SLC17A8: variants seen among roughly 807,000 people sequenced by gnomAD.
SLC17A8 encodes solute carrier family 17 member 8, also known as vesicular glutamate transporter 3.
Under a neutral mutation model 58.0 loss-of-function variants are expected in SLC17A8, and 31 were observed. The observed-to-expected ratio is 0.53, with a 90% CI of 0.40 to 0.72. The LOEUF is 0.72. SLC17A8 is among the 30% of genes least tolerant of loss of function. SLC17A8 has a pLI of 0.00. For synonymous variants in SLC17A8, 228 were observed against 249.0 expected (o/e 0.92, Z 0.79); for missense variants, 655 against 727.8 (o/e 0.90, Z 1.15).
At chr12:100,405,416 G>A (rs373081369) in intron 9 of SLC17A8, among the ~76,000 whole-genome samples, 7 of 152,028 alleles carry the variant, frequency 4.6e-5, no homozygotes, top group Admixed American at 1.3e-4. Context: ...ATTAAATTGA[G>A]GTTCTTGAGA....
intron 1 of SLC17A8, among the ~76,000 whole-genome samples, chr12:100,368,481 C>T (rs1032235797): frequency 3.9e-5 from 6 of 152,136 alleles, no homozygotes; most frequent in Admixed American, 1.3e-4. Flanking sequence ...TCACAGGTAT[C>T]GGGGGTTAGA....
At chr12:100,373,383 A>T (rs994503660) in intron 1 of SLC17A8, among the ~76,000 whole-genome samples, 1 of 145,146 alleles carries the variant, frequency 6.9e-6, no homozygotes, top group African/African-American at 2.6e-5. Context: ...TCTGGGCAGG[A>T]TGAATAGATC....
rs1198242883 is a variant in SLC17A8, at chr12:100,402,694, C to T, written c.1002C>T (p.Leu334=). ...GAAGCTGGACCTTTTATTTGCTCCT[C>T]ATAAGTCAGCCTGCTTATTTTGAAG... is the stretch of plus-strand genomic sequence containing the variant. ...FCRSWTFYLL[L]ISQPAYFEEV... is the part of the protein sequence containing the mutation. The change falls in exon 8 of 12, where the codon CTC becomes CTT. Residue 334 remains leucine (L), a synonymous_variant. Coordinates refer to ENST00000323346, the MANE Select transcript of SLC17A8 (RefSeq NM_139319.3). 3.1e-6 allele frequency: 5 copies of T among 1,614,078 alleles called. No homozygotes were observed. The South Asian group carries it at 5.5e-5, about 18-fold the overall frequency.
chr12:100,388,654 C>T (rs1037757464), intron 2 of SLC17A8, among the ~76,000 whole-genome samples: 3 of 152,130 alleles, frequency 2.0e-5, no homozygotes, highest in African/African-American at 4.8e-5. Context: ...TCAGGAAGCA[C>T]AGGACGAACG....
At chr12:100,375,482 C>G (rs1952588699) in intron 1 of SLC17A8, among the ~76,000 whole-genome samples, 1 of 152,178 alleles carries the variant, frequency 6.6e-6, no homozygotes, top group African/African-American at 2.4e-5. Flanking sequence ...AGTCCTGCCT[C>G]TGGCAGGAAA....
chr12:100,369,004 G>A (rs541300025), intron 1 of SLC17A8, among the ~76,000 whole-genome samples: 119 of 152,342 alleles, frequency 7.8e-4, no homozygotes, highest in African/African-American at 2.9e-3. Flanking sequence ...TGGGGGCAAT[G>A]GCTCATCCCT....
At chr12:100,369,631 G>A (rs1256345235) in intron 1 of SLC17A8, among the ~76,000 whole-genome samples, 1 of 152,206 alleles carries the variant, frequency 6.6e-6, no homozygotes, top group African/African-American at 2.4e-5. Flanking sequence ...TGCCTGCATT[G>A]TAGCTGCAAG....
chr12:100,402,871 G>A lies in SLC17A8; in HGVS notation c.1053+126G>A. 6 of 975,110 alleles carry A rather than the reference G, an allele frequency of 6.2e-6. 1 individual carries two copies. The South Asian group carries it at 8.5e-5, about 14-fold the overall frequency. 60.4% of individuals were successfully genotyped at this position (975,110 alleles called of 1,614,324 possible). A position where few individuals can be genotyped will look rare whatever the true frequency, so the allele number is the denominator to read the frequency against. ...CATAACAGTTCTGTGACACCTAATA[G>A]CCTGGCTGTCAGACAAGTTATACAT... On this transcript the variant is annotated intron_variant, in intron 8 of 11. Transcript: ENST00000323346.
Position 100,402,409 on chromosome 12 carries a change from C to T in SLC17A8, c.833C>T (p.Thr278Ile). 3.7e-6 allele frequency: 6 copies of T among 1,614,056 alleles called. No homozygotes were observed. The highest frequency in any genetic ancestry group is 5.1e-6 in the Non-Finnish European group (6 of 1,180,004). The change falls in exon 7 of 12, where the codon ACA becomes ATA. Residue 278 changes from threonine (T) to isoleucine (I), a missense_variant. Physicochemically the swap from Thr to Ile is moderately conservative, Grantham distance 89 (BLOSUM62 -1). Coordinates refer to ENST00000323346, the MANE Select transcript of SLC17A8 (RefSeq NM_139319.3). ...TATGAGTGCCCAGCAGCTCATCCAA[C>T]AATATCCAATGAGGAGAAGACCTAT... is the stretch of plus-strand genomic sequence containing the variant. Reference protein sequence around the residue: ...QAYECPAAHPTISNEEKTYIE... With the variant: ...QAYECPAAHPIISNEEKTYIE...
intron 9 of SLC17A8, among the ~76,000 whole-genome samples, chr12:100,409,471 C>T (rs1952851479): frequency 6.6e-6 from 1 of 152,134 alleles, no homozygotes; most frequent in Admixed American, 6.6e-5. Flanking sequence ...TAGGTGTGCA[C>T]CACCATGCCT....
intron 8 of SLC17A8, among the ~76,000 whole-genome samples, chr12:100,403,140 G>C (rs979180435): frequency 6.6e-6 from 1 of 152,140 alleles, no homozygotes; most frequent in African/African-American, 2.4e-5. Flanking sequence ...TCTCCATAAT[G>C]GTGGCTATAG....
chr12:100,419,761 G>A, intron 11 of SLC17A8, 54 bp from the exon 12 acceptor site: 1 of 1,562,338 alleles, frequency 6.4e-7, no homozygotes, highest in South Asian at 1.1e-5. Context: ...AGGACATACT[G>A]GTAATCTCTA....
intron 10 of SLC17A8, among the ~76,000 whole-genome samples, chr12:100,417,060 C>T (rs917659883): frequency 3.3e-5 from 5 of 152,186 alleles, no homozygotes; most frequent in African/African-American, 1.2e-4. Context: ...CATGTGCCAC[C>T]ATGCCTGGCT....
intron 1 of SLC17A8, among the ~76,000 whole-genome samples, chr12:100,376,869 G>A (rs77143772): frequency 6.6e-6 from 1 of 152,102 alleles, no homozygotes; most frequent in Non-Finnish European, 1.5e-5. Context: ...GAGTGCAGCA[G>A]TGCAATCTCA....
chr12:100,380,349 C>G (rs998694768), intron 1 of SLC17A8, among the ~76,000 whole-genome samples: 1 of 151,992 alleles, frequency 6.6e-6, no homozygotes, highest in African/African-American at 2.4e-5. Flanking sequence ...ACTTGGGCCT[C>G]TATCCTACCT....
chr12:100,404,394 G>GTTT, intron 9 of SLC17A8: 1 of 566,326 alleles, frequency 1.8e-6, no homozygotes, highest in Non-Finnish European at 3.2e-6. Context: ...GTTTGCTTAT[G>GTTT]TAGTTTATTC....
At position 100,402,369 on chromosome 12, in the gene SLC17A8, T is replaced by C; in HGVS notation, c.793T>C (p.Trp265Arg). The C allele has an allele frequency of 6.2e-7, 1 of 1,614,192 alleles. No homozygotes were observed. The change falls in exon 7 of 12, where the codon TGG becomes CGG. Residue 265 changes from tryptophan to arginine, a missense_variant. Transcript: ENST00000323346. ...GMFGIIWYMF[W>R]LLQAYECPAA... ...GTTTGGGATTATTTGGTACATGTTT[T>C]GGCTGTTGCAGGCCTATGAGTGCCC...
chr12:100,420,006 T>A lies in SLC17A8; in HGVS notation c.1617T>A (p.Phe539Leu). The A allele has an allele frequency of 6.2e-7, 1 of 1,614,018 alleles. No homozygotes were observed. Among genetic ancestry groups the A allele is most frequent in the Non-Finnish European group, 8.5e-7 (1 of 1,179,952 alleles). ...AGATAGAACTCAACCATGAGAGTTT[T>A]GCGAGTCCCAAAAAGAAGATGTCTT... is the stretch of plus-strand genomic sequence containing the variant. ...AEEIELNHES[F>L]ASPKKKMSYG... is the part of the protein sequence containing the mutation. Residue 539 changes from phenylalanine to leucine, a missense_variant, in exon 12 of 12, where the codon TTT becomes TTA. Phe to Leu is a conservative substitution (Grantham distance 22). Coordinates refer to ENST00000323346, the MANE Select transcript of SLC17A8 (RefSeq NM_139319.3).
rs557358906 is a variant in SLC17A8 at position 100,401,953 on chromosome 12, A to C, written c.763+90A>C. The C allele has an allele frequency of 7.2e-6, 7 of 970,398 alleles. No homozygotes were observed. The Admixed American group carries it at 1.0e-4, about 14-fold the overall frequency. 60.1% of individuals were successfully genotyped at this position (970,398 alleles called of 1,614,324 possible). A position where few individuals can be genotyped will look rare whatever the true frequency, so the allele number is the denominator to read the frequency against. On this transcript the variant is annotated intron_variant, in intron 6 of 11. Coordinates refer to ENST00000323346, the MANE Select transcript of SLC17A8 (RefSeq NM_139319.3). Reference sequence around the variant, plus strand: ...TTTGGCTCAGAGTTCATTACATCAAAATAGAGATTACTAAAACAAGTTTAT... The same window carrying C: ...TTTGGCTCAGAGTTCATTACATCAACATAGAGATTACTAAAACAAGTTTAT...
Sources: gnomAD v4.1 joint callset for allele counts (sites outside exome capture counted in the v4.1 genomes callset) on GRCh38, gnomAD v4.1.1 for gene constraint, MANE v1.5 for transcripts, NCBI Gene and HGNC (gene_info 2026-07-23, HGNC 2026-07-21) for gene names.